KIZ: variants seen among roughly 807,000 people sequenced by gnomAD.
The protein encoded by KIZ is centrosomal protein kizuna.
A neutral mutation model predicts 79.6 loss-of-function variants in KIZ; 68 were observed. That is an observed-to-expected ratio of 0.85 (90% CI 0.70 to 1.05). KIZ has a LOEUF of 1.05. KIZ is among the 50% of genes least tolerant of loss of function. KIZ has a pLI of 0.00. For missense variants in KIZ, 797 were observed against 800.4 expected (o/e 1.00, Z 0.05); for synonymous variants, 280 against 281.8 (o/e 0.99, Z 0.06).
At position 21,246,141 on chromosome 20, in the gene KIZ, C is replaced by T. The variant is rs200570247; in HGVS notation, c.1925-338C>T. The T allele has an allele frequency of 1.4e-4, 35 of 247,664 alleles. No individual in the cohort carries two copies. In the East Asian group the frequency reaches 2.1e-3, roughly 15 times the overall value. 15.3% of individuals were successfully genotyped at this position (247,664 alleles called of 1,614,324 possible). A position where few individuals can be genotyped will look rare whatever the true frequency, so the allele number is the denominator to read the frequency against. On this transcript the variant is annotated intron_variant, in intron 12 of 12. Transcript: ENST00000619189. The stretch of plus-strand genomic sequence containing the variant: ...AAGTGGAGGGGCAGCTGAGGTGGGG[C>T]GGCATCAGGCTGATACAACACCCCA...
At chr20:21,132,235 C>A in intron 2 of KIZ, 76 bp downstream of exon 2, 1 of 727,354 alleles carries the variant, frequency 1.4e-6, no homozygotes, top group Non-Finnish European at 2.3e-6. Flanking sequence ...AATGTTATGT[C>A]ATAAATATTG....
At position 21,161,998 on chromosome 20, in the gene KIZ, A is replaced by T; in HGVS notation, c.533A>T (p.Lys178Ile). The change falls in exon 5 of 13, where the codon AAA becomes ATA. Residue 178 changes from lysine (K) to isoleucine (I), a missense_variant. Transcript: ENST00000619189. ...ATGAGAGATTTCAGTACAGAGCACA[A>T]ATCTCCCCAGCCCACAAAGAACTTT... ...LSMRDFSTEHKSPQPTKNFSI... is the reference protein window; with the variant it reads ...LSMRDFSTEHISPQPTKNFSI... 1.2e-6 allele frequency: 2 copies of T among 1,613,980 alleles called. No homozygotes were observed. Among genetic ancestry groups the T allele is most frequent in the Non-Finnish European group, 1.7e-6 (2 of 1,179,874 alleles).
intron 11 of KIZ, among the ~76,000 whole-genome samples, chr20:21,240,168 A>T (rs1264427473): frequency 6.6e-6 from 1 of 152,126 alleles, no homozygotes; most frequent in Non-Finnish European, 1.5e-5. Flanking sequence ...TCTGTCACCC[A>T]GGCTGGAGTG....
At chr20:21,212,809 A>C (rs2036122128) in intron 7 of KIZ, among the ~76,000 whole-genome samples, 2 of 152,224 alleles carry the variant, frequency 1.3e-5, no homozygotes, top group Non-Finnish European at 2.9e-5. Flanking sequence ...GGTGCAGTGC[A>C]GTGGTCTGTG....
At chr20:21,200,250 C>G (rs1379635861) in intron 6 of KIZ, among the ~76,000 whole-genome samples, 1 of 152,054 alleles carries the variant, frequency 6.6e-6, no homozygotes, top group Non-Finnish European at 1.5e-5. Context: ...ACACCTGCCC[C>G]CATAGCATAC....
Position 21,220,288 on chromosome 20 carries a change from C to T in KIZ, c.1678+4640C>T, listed in dbSNP as rs2036460956. On this transcript the variant is annotated intron_variant, in intron 9 of 12. Coordinates refer to ENST00000619189, the MANE Select transcript of KIZ (RefSeq NM_018474.6). ...CTCACTAAGCCTCCCTCATCTCTAA[C>T]CTTTACAACAGTCCTATAGGGTAAA... Among the ~76,000 whole-genome samples, 5 of 151,898 alleles carry T rather than the reference C, an allele frequency of 3.3e-5. No individual in the cohort carries two copies. The South Asian group carries it at 1.0e-3, about 32-fold the overall frequency.
chr20:21,195,317 T>C (rs1293535594), intron 6 of KIZ: 1 of 152,256 alleles, frequency 6.6e-6, no homozygotes, highest in Non-Finnish European at 1.5e-5. Flanking sequence ...GGAGTGCAGA[T>C]GCAGGTAATA....
At chr20:21,205,467 G>T in intron 6 of KIZ, 24 bp from the exon 7 acceptor site, 1 of 946,532 alleles carries the variant, frequency 1.1e-6, no homozygotes, top group South Asian at 1.5e-5. Flanking sequence ...AATCTATAGT[G>T]AGTGTCCTGT....
At chr20:21,152,325 A>T (rs1325923308) in intron 4 of KIZ, among the ~76,000 whole-genome samples, 1 of 152,200 alleles carries the variant, frequency 6.6e-6, no homozygotes, top group Non-Finnish European at 1.5e-5. Flanking sequence ...AGAAGGGATG[A>T]GCAGGTGGTT....
chr20:21,178,235 ATCT>A (rs1479177423), intron 6 of KIZ, among the ~76,000 whole-genome samples: 3 of 152,004 alleles, frequency 2.0e-5, no homozygotes, highest in African/African-American at 7.2e-5. Flanking sequence ...ATTTGCTTGT[ATCT>A]TCTTTAATTT....
At position 21,214,552 on chromosome 20, in the gene KIZ, A is replaced by G; in HGVS notation, c.1464A>G (p.Arg488=). 1.9e-6 allele frequency: 3 copies of G among 1,613,288 alleles called. No homozygotes were observed. The highest frequency in any genetic ancestry group is 2.5e-6 in the Non-Finnish European group (3 of 1,179,444). ...SVKEEATALL[R]KALTEECGRR... is the part of the protein sequence containing the mutation. ...CACTGTAGGCAACAGCATTATTGAGAAAAGCCCTTACAGAAGAGTGTGGCC... is the reference window on the plus strand; with the variant it reads ...CACTGTAGGCAACAGCATTATTGAGGAAAGCCCTTACAGAAGAGTGTGGCC... Residue 488 remains arginine (R), a synonymous_variant, in exon 8 of 13, where the codon AGA becomes AGG. Transcript: ENST00000619189.
At position 21,130,034 on chromosome 20, in the gene KIZ, A is replaced by G. The variant is rs552800978; in HGVS notation, c.90-2063A>G. Among the ~76,000 whole-genome samples the G allele has an allele frequency of 8.5e-5, 13 of 152,328 alleles. No homozygotes were observed. In the East Asian group the frequency reaches 2.1e-3, roughly 25 times the overall value. On this transcript the variant is annotated intron_variant, in intron 1 of 12. Coordinates refer to ENST00000619189, the MANE Select transcript of KIZ (RefSeq NM_018474.6). ...ATGTTCTTGTACATGATCACACCAT[A>G]CAGCCCTCCTAGTGGTGAAACCAGT...
intron 6 of KIZ, chr20:21,194,059 C>G (rs1328035929): frequency 6.6e-6 from 1 of 152,042 alleles, no homozygotes; most frequent in African/African-American, 2.4e-5. Flanking sequence ...TTCAGTGTTC[C>G]CAATAGCCTG....
At chr20:21,141,747 A>C (rs936381142) in intron 3 of KIZ, among the ~76,000 whole-genome samples, 1 of 151,778 alleles carries the variant, frequency 6.6e-6, no homozygotes, top group Non-Finnish European at 1.5e-5. Context: ...GACAAAGCCC[A>C]GGTGCTGGTC....
chr20:21,183,344 A>G (rs997059829), intron 6 of KIZ, among the ~76,000 whole-genome samples: 1 of 152,256 alleles, frequency 6.6e-6, no homozygotes, highest in African/African-American at 2.4e-5. Context: ...AATAAAAACC[A>G]TTGACGTGTA....
chr20:21,175,143 C>A (rs1293431591), intron 6 of KIZ, among the ~76,000 whole-genome samples: 1 of 152,200 alleles, frequency 6.6e-6, no homozygotes, highest in Non-Finnish European at 1.5e-5. Context: ...CATTATACTT[C>A]TGGAAAAATA....
intron 6 of KIZ, 61 bp from the exon 7 acceptor site, chr20:21,205,430 A>G (rs2035777707): frequency 1.4e-6 from 1 of 701,522 alleles, no homozygotes; most frequent in Non-Finnish European, 2.4e-6. Context: ...GAGGCCTTTA[A>G]AAATGTGGGA....
intron 6 of KIZ, among the ~76,000 whole-genome samples, chr20:21,171,608 G>C (rs1486936178): frequency 1.3e-5 from 2 of 152,036 alleles, no homozygotes. Flanking sequence ...ACCACACCCA[G>C]CTAATTTTGT....
In KIZ at chr20:21,171,057, G is replaced by A. The variant is rs114386708; in HGVS notation, c.1352+7898G>A. ...GCTGTGCCATTTTGCATTATCACTA[G>A]CAATGAATGAGAGTTCTTGTTCTAC... is the stretch of plus-strand genomic sequence containing the variant. On this transcript the variant is annotated intron_variant, in intron 6 of 12. Coordinates refer to ENST00000619189, the MANE Select transcript of KIZ (RefSeq NM_018474.6). 7.6e-3 allele frequency among the ~76,000 whole-genome samples: 1,153 copies of A among 152,314 alleles called. 19 individuals carry two copies. The highest frequency in any genetic ancestry group is 0.027 in the African/African-American group (1,109 of 41,556).
Sources: gnomAD v4.1 joint callset for allele counts (sites outside exome capture counted in the v4.1 genomes callset) on GRCh38, gnomAD v4.1.1 for gene constraint, MANE v1.5 for transcripts, NCBI Gene and HGNC (gene_info 2026-07-23, HGNC 2026-07-21) for gene names.